The following MYO9B variants were observed in gnomAD, a reference collection of about 807,000 sequenced individuals.
MYO9B encodes unconventional myosin-IXb.
Under a neutral mutation model 229.5 loss-of-function variants are expected in MYO9B, and 71 were observed. That is an observed-to-expected ratio of 0.31 (90% CI 0.26 to 0.38). The LOEUF (loss-of-function observed/expected upper bound fraction) is 0.38, where lower values mean the gene tolerates loss of function less well. Ranked by LOEUF, MYO9B falls within the 10% of genes least tolerant of loss-of-function variation. The probability of loss-of-function intolerance (pLI) is 1.00; values close to 1 mark genes in which losing one functional copy is unlikely to be tolerated. For synonymous variants in MYO9B, 1,185 were observed against 1,235.8 expected, an observed-to-expected ratio of 0.96 and a Z score of 0.86; for missense variants, 2,255 against 2,920.5, an observed-to-expected ratio of 0.77 and a Z score of 5.25.
chr19:17,089,265 T>C (rs1182099070), intron 1 of MYO9B, among the ~76,000 whole-genome samples: 2 of 151,238 alleles, frequency 1.3e-5, no homozygotes, highest in African/African-American at 4.9e-5. Flanking sequence ...CCATGAGCGT[T>C]TCTTCTAAAA....
In MYO9B at chr19:17,193,551, C is replaced by G. The variant is rs2073009250; in HGVS notation, c.3128+489C>G. ...ACCCAGCTCTGCCACAAGTCAGGTC[C>G]CAGCTCCCGGAGCAGGCCCTACCCA... is the stretch of plus-strand genomic sequence containing the variant. On this transcript the variant is annotated intron_variant, in intron 21 of 39. Coordinates refer to ENST00000682292, the MANE Select transcript of MYO9B (RefSeq NM_004145.4). This position sits in a 1 kb window ranked among gnomAD's most constrained non-coding sequence, Gnocchi z 4.3. Among the ~76,000 whole-genome samples, 1 of 152,170 alleles carries G rather than the reference C, an allele frequency of 6.6e-6. No homozygotes were observed. The highest frequency in any genetic ancestry group is 1.5e-5 in the Non-Finnish European group (1 of 68,036).
chr19:17,098,216 G>A (rs1050274320), intron 1 of MYO9B, among the ~76,000 whole-genome samples: 8 of 152,028 alleles, frequency 5.3e-5, no homozygotes, highest in South Asian at 2.1e-4. Flanking sequence ...CACCGTGCCC[G>A]GCTAATTTTT....
intron 8 of MYO9B, among the ~76,000 whole-genome samples, chr19:17,160,510 C>CTTTTTTTTTTTTTTTTT (rs34857957): frequency 7.8e-6 from 1 of 128,172 alleles, no homozygotes; most frequent in African/African-American, 3.0e-5. Context: ...TCTTTTTTTT[C>CTTTTTTTTTTTTTTTTT]TTTTTTTTTT....
chr19:17,173,857 G>C (rs566394806), intron 13 of MYO9B, among the ~76,000 whole-genome samples: 3 of 152,148 alleles, frequency 2.0e-5, no homozygotes, highest in African/African-American at 7.2e-5. Context: ...TCCGTCCTCA[G>C]CTTCAGTTTC....
chr19:17,140,869 G>A (rs111750075), intron 2 of MYO9B, among the ~76,000 whole-genome samples: 6,330 of 151,076 alleles, frequency 0.042, 177 homozygotes, highest in Middle Eastern at 0.082. Flanking sequence ...TTGGGAGGCC[G>A]AGGCAAGGAG....
chr19:17,139,456 A>T (rs1417822470), intron 2 of MYO9B, among the ~76,000 whole-genome samples: 1 of 151,416 alleles, frequency 6.6e-6, no homozygotes, highest in Non-Finnish European at 1.5e-5. Flanking sequence ...CTCTAAATAG[A>T]TAGATAGGCT....
chr19:17,114,332 T>G (rs975205567), intron 2 of MYO9B, among the ~76,000 whole-genome samples: 5 of 152,146 alleles, frequency 3.3e-5, no homozygotes, highest in African/African-American at 1.2e-4. Flanking sequence ...GCAGTTTCAG[T>G]CCGGCGTTCT....
intron 15 of MYO9B, among the ~76,000 whole-genome samples, 154 bp downstream of exon 15, chr19:17,181,194 A>G (rs753517413): frequency 1.6e-4 from 24 of 152,188 alleles, no homozygotes; most frequent in Non-Finnish European, 2.9e-4. Flanking sequence ...CTAAATGCCA[A>G]TCAATAACAC....
intron 13 of MYO9B, among the ~76,000 whole-genome samples, chr19:17,174,944 AT>A (rs71334677): frequency 0.062 from 9,330 of 151,346 alleles, 368 homozygotes; most frequent in Non-Finnish European, 0.093. Flanking sequence ...AAAAAAATAA[AT>A]AAATAAATAA....
intron 1 of MYO9B, among the ~76,000 whole-genome samples, chr19:17,090,458 C>G (rs1242248052): frequency 6.6e-6 from 1 of 152,170 alleles, no homozygotes; most frequent in Non-Finnish European, 1.5e-5. Context: ...GCCTTCATTC[C>G]TTTTTATGGC....
rs759357045 is a variant in MYO9B at position 17,195,723 on chromosome 19, G to A, written c.4046+250G>A. On this transcript the variant is annotated intron_variant, in intron 22 of 39. Coordinates refer to ENST00000682292, the MANE Select transcript of MYO9B (RefSeq NM_004145.4). The surrounding 1 kb of genome is among the most constrained non-coding windows in gnomAD (Gnocchi z 4.5). ...AGCTGTGCTCACACAGAAAGGCCCC[G>A]GCCTTGAGAGAGGTGGCTCCTCAGG... 4.6e-5 allele frequency among the ~76,000 whole-genome samples: 7 copies of A among 152,176 alleles called. No individual in the cohort carries two copies. Among genetic ancestry groups the A allele is most frequent in the Non-Finnish European group, 7.3e-5 (5 of 68,028 alleles).
chr19:17,149,681 G>A (rs2072455630), intron 3 of MYO9B, among the ~76,000 whole-genome samples: 3 of 152,156 alleles, frequency 2.0e-5, no homozygotes, highest in African/African-American at 7.2e-5. Flanking sequence ...TTCCCACCAA[G>A]GCCAAGGGTC....
At chr19:17,134,360 GT>G (rs142567764) in intron 2 of MYO9B, among the ~76,000 whole-genome samples, 5 of 45,978 alleles carry the variant, frequency 1.1e-4, no homozygotes, top group East Asian at 8.1e-4. Context: ...GGATCTCTTT[GT>G]TTTTTTTTTC....
At chr19:17,169,802 CTTTTTTTT>C (rs762583073) in intron 11 of MYO9B, among the ~76,000 whole-genome samples, 70 of 106,590 alleles carry the variant, frequency 6.6e-4, no homozygotes, top group African/African-American at 2.6e-3. Context: ...CTGTCTCCTC[CTTTTTTTT>C]TTTTTTTTTT....
At chr19:17,191,717 C>A (rs970680550) in intron 20 of MYO9B, among the ~76,000 whole-genome samples, 1 of 151,930 alleles carries the variant, frequency 6.6e-6, no homozygotes, top group Admixed American at 6.6e-5. Flanking sequence ...GGCATGCACG[C>A]AGAGTCCCAG....
chr19:17,147,610 T>TCAC (rs1204383066), intron 3 of MYO9B, among the ~76,000 whole-genome samples: 2 of 143,880 alleles, frequency 1.4e-5, no homozygotes, highest in African/African-American at 2.6e-5. Flanking sequence ...CTGGGCGTGG[T>TCAC]GGTGCATGCC....
intron 19 of MYO9B, among the ~76,000 whole-genome samples, chr19:17,188,323 G>A (rs1009176513): frequency 1.3e-5 from 2 of 151,512 alleles, no homozygotes; most frequent in Non-Finnish European, 2.9e-5. Flanking sequence ...TAGCTACTGA[G>A]GAGGCTGAGG....
chr19:17,162,878 AGGGACTG>A, intron 9 of MYO9B, 103 bp from the exon 10 acceptor site: 3 of 1,222,566 alleles, frequency 2.5e-6, no homozygotes, highest in Non-Finnish European at 2.3e-6. Flanking sequence ...GCCGAGCAAC[AGGGACTG>A]GGGACCTAAC....
chr19:17,162,355 C>T lies in MYO9B; in HGVS notation c.1425C>T (p.Ile475=), dbSNP rs2145316007. Residue 475 remains isoleucine, a synonymous_variant, in exon 9 of 40, where the codon ATC becomes ATT. Coordinates refer to ENST00000682292, the MANE Select transcript of MYO9B (RefSeq NM_004145.4). ...LILPYSLSEA[I]TARDSMAKSL... ...CACCCCCTCTGTGTCCACAGGCCAT[C>T]ACTGCCCGCGACTCCATGGCCAAGT... The T allele has an allele frequency of 6.4e-7, 1 of 1,572,204 alleles. No individual in the cohort carries two copies. The highest frequency in any genetic ancestry group is 8.6e-7 in the Non-Finnish European group (1 of 1,160,372).
Sources: gnomAD v4.1 joint callset for allele counts (sites outside exome capture counted in the v4.1 genomes callset) on GRCh38, gnomAD v4.1.1 for gene constraint, Gnocchi (gnomAD v3.1) non-coding constraint, MANE v1.5 for transcripts, NCBI Gene and HGNC (gene_info 2026-07-23, HGNC 2026-07-21) for gene names.